Variants in SPEN observed in about 807,000 individuals in gnomAD.
SPEN encodes spen family transcriptional repressor.
A neutral mutation model predicts 269.9 loss-of-function variants in SPEN; 18 were observed. The observed-to-expected ratio is 0.07, with a 90% CI of 0.05 to 0.10. SPEN has a LOEUF of 0.10. SPEN is among the 10% of genes least tolerant of loss of function. The pLI is 1.00. For synonymous variants in SPEN, 1,726 were observed against 1,765.7 expected, an observed-to-expected ratio of 0.98 and a Z score of 0.56; for missense variants, 3,822 against 4,631.2, an observed-to-expected ratio of 0.83 and a Z score of 5.07.
In SPEN at chr1:15,932,688, A is replaced by G. The variant is rs371187138; in HGVS notation, c.6448A>G (p.Lys2150Glu). The G allele has an allele frequency of 1.2e-6, 2 of 1,614,036 alleles. No homozygotes were observed. Among genetic ancestry groups the G allele is most frequent in the African/African-American group, 2.7e-5 (2 of 74,906 alleles). The change falls in exon 11 of 15, where the codon AAA (lysine) becomes GAA (glutamate). Residue 2150 changes from lysine to glutamate, a missense_variant. Coordinates refer to ENST00000375759, the MANE Select transcript of SPEN (RefSeq NM_015001.3). The surrounding 1 kb of genome is among the most constrained non-coding windows in gnomAD (Gnocchi z 4.2). ...DPVDPDKEPEKEDVSASGPSP... is the reference protein window; with the variant it reads ...DPVDPDKEPEEEDVSASGPSP... Reference sequence around the variant, plus strand: ...AGTTGATCCAGACAAGGAACCAGAGAAAGAAGACGTGTCTGCCTCTGGGCC... The same window carrying G: ...AGTTGATCCAGACAAGGAACCAGAGGAAGAAGACGTGTCTGCCTCTGGGCC...
chr1:15,930,930 C>G lies in SPEN; in HGVS notation c.4690C>G (p.Gln1564Glu), dbSNP rs1557759566. The G allele has an allele frequency of 1.2e-6, 2 of 1,614,106 alleles. No homozygotes were observed. Among genetic ancestry groups the G allele is most frequent in the African/African-American group, 1.3e-5 (1 of 75,050 alleles). Residue 1564 changes from glutamine to glutamate, a missense_variant, in exon 11 of 15, where the codon CAG becomes GAG. By Grantham distance (29) the Gln-to-Glu change is conservative. Transcript: ENST00000375759. The surrounding 1 kb of genome is among the most constrained non-coding windows in gnomAD (Gnocchi z 5.3). ...CATTTCTGGTAGGATCTATGGGAAG[C>G]AGACATCTGAGGGAGCAAACAGCAC... ...DFISGRIYGK[Q>E]TSEGANSTTD...
chr1:15,891,955 G>A (rs2070793627), intron 3 of SPEN, among the ~76,000 whole-genome samples: 1 of 142,962 alleles, frequency 7.0e-6, no homozygotes, highest in African/African-American at 2.6e-5. Context: ...ATGATATTTT[G>A]AATATATTAG....
rs1415585001 is a variant in SPEN, at chr1:15,929,960, G to A, written c.3720G>A (p.Lys1240=). 1.9e-6 allele frequency: 3 copies of A among 1,614,002 alleles called. No homozygotes were observed. The African/African-American group carries it at 4.0e-5, about 22-fold the overall frequency. ...MDHVDFDICT[K]RERNYRSSRQ... is the part of the protein sequence containing the mutation. Reference sequence around the variant, plus strand: ...ATGTCGATTTTGATATCTGCACCAAGCGAGAACGGAATTACAGAAGTTCAC... The same window carrying A: ...ATGTCGATTTTGATATCTGCACCAAACGAGAACGGAATTACAGAAGTTCAC... The change falls in exon 11 of 15, where the codon AAG becomes AAA. Residue 1240 remains lysine (K), a synonymous_variant. Transcript: ENST00000375759. The surrounding 1 kb of genome is among the most constrained non-coding windows in gnomAD (Gnocchi z 5.8).
In SPEN at chr1:15,847,931, G is replaced by T; in HGVS notation, c.-137G>T. ...GGTCTCTGCACGGGGGGGAGCCGGA[G>T]GAGCCGCCGCCGCTGCCGACGCCAC... On this transcript the variant is annotated 5_prime_UTR_variant, in exon 1 of 15. It adds an upstream start codon to the 5' untranslated region. Transcript: ENST00000375759. The T allele has an allele frequency of 2.7e-6, 1 of 366,958 alleles. No homozygotes were observed. The highest frequency in any genetic ancestry group is 4.7e-6 in the Non-Finnish European group (1 of 211,058). The allele number at this position is 366,958 out of a possible 1,614,324, so 22.7% of individuals were successfully genotyped here. A position where few individuals can be genotyped will look rare whatever the true frequency, so the allele number is the denominator to read the frequency against.
At position 15,935,126 on chromosome 1, in the gene SPEN, C is replaced by A; in HGVS notation, c.8886C>A (p.Asp2962Glu). Residue 2962 changes from aspartate (D) to glutamate (E), a missense_variant, in exon 11 of 15, where the codon GAC (aspartate) becomes GAA (glutamate). Asp to Glu is a conservative substitution (Grantham distance 45, BLOSUM62 2). Around this residue, in one of 16 missense-constraint regions of SPEN, gnomAD observed 20 missense variants for 60.7 expected, o/e 0.33. Coordinates refer to ENST00000375759, the MANE Select transcript of SPEN (RefSeq NM_015001.3). The surrounding 1 kb of genome is among the most constrained non-coding windows in gnomAD (Gnocchi z 7.7). ...TCACCACAAACAAGAAGCTTGCTGACCCCGTCACCCTTAAAATCGAGACCA... is the reference window on the plus strand; with the variant it reads ...TCACCACAAACAAGAAGCTTGCTGAACCCGTCACCCTTAAAATCGAGACCA... ...SIVTTNKKLADPVTLKIETKV... is the reference protein window; with the variant it reads ...SIVTTNKKLAEPVTLKIETKV... 1 of 1,614,110 alleles carries A rather than the reference C, an allele frequency of 6.2e-7. No homozygotes were observed.
chr1:15,913,715 C>G (rs1192948744), intron 5 of SPEN, among the ~76,000 whole-genome samples: 2 of 151,838 alleles, frequency 1.3e-5, no homozygotes, highest in African/African-American at 4.8e-5. Context: ...AAAGGGAGAC[C>G]CCATCTCTAC....
intron 5 of SPEN, among the ~76,000 whole-genome samples, chr1:15,913,464 T>A (rs1231267788): frequency 6.6e-6 from 1 of 152,058 alleles, no homozygotes; most frequent in Admixed American, 6.5e-5. Flanking sequence ...ATTGATTGAT[T>A]GATTGATTGG....
At chr1:15,894,252 C>T (rs1175151547) in intron 3 of SPEN, among the ~76,000 whole-genome samples, 2 of 152,122 alleles carry the variant, frequency 1.3e-5, no homozygotes, top group South Asian at 2.1e-4. Flanking sequence ...TAAATTTTCT[C>T]ATCTTTTTTG....
chr1:15,874,474 G>C, intron 2 of SPEN: 1 of 1,093,038 alleles, frequency 9.1e-7, no homozygotes, highest in Non-Finnish European at 1.2e-6. Context: ...ACTAACTCTA[G>C]AAGTATTTAG....
intron 13 of SPEN, among the ~76,000 whole-genome samples, chr1:15,938,422 G>A (rs544112156): frequency 2.6e-5 from 4 of 152,204 alleles, no homozygotes; most frequent in East Asian, 3.9e-4. Flanking sequence ...GGCCAGTAAC[G>A]GTATTCTTGA....
chr1:15,884,378 GA>G (rs1158881840), intron 3 of SPEN, among the ~76,000 whole-genome samples: 1 of 152,050 alleles, frequency 6.6e-6, no homozygotes, highest in Non-Finnish European at 1.5e-5. Flanking sequence ...TTTTAGTTAG[GA>G]GAAATTATTT....
Position 15,934,660 on chromosome 1 carries a change from G to T in SPEN, c.8420G>T (p.Arg2807Leu). The T allele has an allele frequency of 6.2e-7, 1 of 1,614,128 alleles. No individual in the cohort carries two copies. Among genetic ancestry groups the T allele is most frequent in the Middle Eastern group, 1.6e-4 (1 of 6,062 alleles). Reference protein sequence around the residue: ...PADAGSGAGLRVNTSEGVVLL... With the variant: ...PADAGSGAGLLVNTSEGVVLL... Reference sequence around the variant, plus strand: ...GACGCGGGCTCAGGGGCGGGGCTGCGTGTGAACACTTCTGAAGGGGTTGTG... The same window carrying T: ...GACGCGGGCTCAGGGGCGGGGCTGCTTGTGAACACTTCTGAAGGGGTTGTG... The change falls in exon 11 of 15, where the codon CGT (arginine) becomes CTT (leucine). Residue 2807 changes from arginine (R) to leucine (L), a missense_variant. Arg to Leu is a moderately radical substitution (Grantham distance 102). Around this residue, in one of 16 missense-constraint regions of SPEN, gnomAD observed 329 missense variants for 431.2 expected, o/e 0.76. Coordinates refer to ENST00000375759, the MANE Select transcript of SPEN (RefSeq NM_015001.3). This position sits in a 1 kb window ranked among gnomAD's most constrained non-coding sequence, Gnocchi z 9.2.
Position 15,933,757 on chromosome 1 carries a change from A to C in SPEN, c.7517A>C (p.Glu2506Ala). The part of the protein sequence containing the change: ...TKVTEWITRQ[E>A]EPRAQSTPSP... ...GTGACAGAGTGGATCACAAGGCAGG[A>C]GGAGCCACGGGCTCAGTCTACTCCA... The change falls in exon 11 of 15, where the codon GAG becomes GCG. Residue 2506 changes from glutamate to alanine, a missense_variant. By Grantham distance (107) the Glu-to-Ala change is moderately radical. Transcript: ENST00000375759. This position sits in a 1 kb window ranked among gnomAD's most constrained non-coding sequence, Gnocchi z 5.7. 6.2e-7 allele frequency: 1 copy of C among 1,614,078 alleles called. No homozygotes were observed. The highest frequency in any genetic ancestry group is 8.5e-7 in the Non-Finnish European group (1 of 1,180,036).
At position 15,848,822 on chromosome 1, in the gene SPEN, C is replaced by T. The variant is rs10927866; in HGVS notation, c.83+672C>T. On this transcript the variant is annotated intron_variant, in intron 1 of 14. Coordinates refer to ENST00000375759, the MANE Select transcript of SPEN (RefSeq NM_015001.3). This position sits in a 1 kb window ranked among gnomAD's most constrained non-coding sequence, Gnocchi z 5.1. The stretch of plus-strand genomic sequence containing the variant: ...GTTGGTGCGCCCGTTTGGGCTTCCT[C>T]GTCCCCGGCGGAGGAGACCGCGTCT... Among the ~76,000 whole-genome samples, 60,759 of 151,756 alleles carry T rather than the reference C, an allele frequency of 0.4. 12,557 individuals are homozygous for T. The highest frequency in any genetic ancestry group is 0.69 in the East Asian group (3,566 of 5,140).
At chr1:15,920,310 C>G (rs2071106316) in intron 8 of SPEN, among the ~76,000 whole-genome samples, 1 of 152,172 alleles carries the variant, frequency 6.6e-6, no homozygotes, top group Non-Finnish European at 1.5e-5. Flanking sequence ...CTCAAGTGAT[C>G]CACCTGCCTC....
In SPEN at chr1:15,916,177, A is replaced by T; in HGVS notation, c.1293A>T (p.Glu431Asp). 6.2e-7 allele frequency: 1 copy of T among 1,613,584 alleles called. No homozygotes were observed. The change falls in exon 6 of 15, where the codon GAA becomes GAT. Residue 431 changes from glutamate to aspartate, a missense_variant. Transcript: ENST00000375759. ...GCCCCTTGGATGAAAGGATAGATGA[A>T]TTTCACCCCAAAGCAACAAGAACTC... Reference protein sequence around the residue: ...EFRPLDERIDEFHPKATRTLF... With the variant: ...EFRPLDERIDDFHPKATRTLF...
At chr1:15,894,906 G>A (rs1470562596) in intron 3 of SPEN, among the ~76,000 whole-genome samples, 1 of 151,842 alleles carries the variant, frequency 6.6e-6, no homozygotes, top group Non-Finnish European at 1.5e-5. Context: ...AATATACACA[G>A]CATAATATTT....
rs983640818 is a variant in SPEN, at chr1:15,936,121, A to G, written c.9881A>G (p.Gln3294Arg). The change falls in exon 11 of 15, where the codon CAG becomes CGG. Residue 3294 changes from glutamine to arginine, a missense_variant. By Grantham distance (43) the Gln-to-Arg change is conservative (BLOSUM62 1). Coordinates refer to ENST00000375759, the MANE Select transcript of SPEN (RefSeq NM_015001.3). ...TPPVVVTHGV[Q>R]IVHSSGELFQ... ...CCTGTGGTGGTGACCCATGGGGTGC[A>G]GATTGTGCACTCCAGCGGGGAGCTG... The G allele has an allele frequency of 6.2e-7, 1 of 1,611,566 alleles. No individual in the cohort carries two copies. Among genetic ancestry groups the G allele is most frequent in the Non-Finnish European group, 8.5e-7 (1 of 1,178,306 alleles).
intron 1 of SPEN, among the ~76,000 whole-genome samples, chr1:15,859,431 C>T (rs1321866916): frequency 1.4e-5 from 2 of 145,560 alleles, no homozygotes; most frequent in African/African-American, 5.1e-5. Flanking sequence ...GATCTCGGCT[C>T]ACTGCAAGCT....
Sources: gnomAD v4.1 joint callset for allele counts (sites outside exome capture counted in the v4.1 genomes callset) on GRCh38, gnomAD v4.1.1 for gene constraint, gnomAD v4.1.1 regional missense constraint, Gnocchi (gnomAD v3.1) non-coding constraint, MANE v1.5 for transcripts, NCBI Gene and HGNC (gene_info 2026-07-23, HGNC 2026-07-21) for gene names.